CCDC66: variants seen among roughly 807,000 people sequenced by gnomAD.
CCDC66 encodes coiled-coil domain-containing protein 66.
In CCDC66, 133 loss-of-function variants were observed where a neutral mutation model predicts 128.3. The observed-to-expected ratio is 1.04, with a 90% confidence interval of 0.90 to 1.20. The LOEUF (loss-of-function observed/expected upper bound fraction) is 1.20. CCDC66 is among the 50% of genes most tolerant of loss of function. The pLI is 0.00. For missense variants in CCDC66, 1,126 were observed against 1,075.5 expected (o/e 1.05, Z -0.66); for synonymous variants, 387 against 357.0 (o/e 1.08, Z -0.95).
At chr3:56,574,291 G>A (rs2067068714) in intron 7 of CCDC66, among the ~76,000 whole-genome samples, 1 of 150,952 alleles carries the variant, frequency 6.6e-6, no homozygotes, top group African/African-American at 2.4e-5. Flanking sequence ...GAACCTGGGA[G>A]GTGGAGGTTG....
intron 6 of CCDC66, 25 bp from the exon 7 acceptor site, chr3:56,571,156 T>C: frequency 1.4e-6 from 2 of 1,467,614 alleles, no homozygotes; most frequent in Non-Finnish European, 1.8e-6. Context: ...TTTGTACATT[T>C]TTTTAAAAAG....
At position 56,619,528 on chromosome 3, in the gene CCDC66, G is replaced by A. The variant is rs2076052387; in HGVS notation, c.2635+1G>A. ...GACCCTCAGTACCAAAATTCACAAG[G>A]TAAGTAAATATTAAGCATTCTAACT... On this transcript the variant is annotated splice_donor_variant, in intron 16 of 17. Coordinates refer to ENST00000394672, the MANE Select transcript of CCDC66 (RefSeq NM_001141947.3). LOFTEE classifies it high-confidence loss of function. 4 of 1,601,410 alleles carry A rather than the reference G, an allele frequency of 2.5e-6. No individual in the cohort carries two copies. In the Admixed American group the frequency reaches 5.3e-5, roughly 21 times the overall value.
chr3:56,592,027 A>G (rs2070999199), intron 7 of CCDC66, among the ~76,000 whole-genome samples: 2 of 152,230 alleles, frequency 1.3e-5, no homozygotes, highest in South Asian at 2.1e-4. Context: ...AAACTCATCA[A>G]TTAAAGTGGC....
rs532301897 is a variant in CCDC66, at chr3:56,602,359, G to A, written c.1404+8331G>A. ...TGGATAAGCTTTTTGATGTGCTGCTGGATTTGATTTGACAGTATTTTGTTG... is the reference window on the plus strand; with the variant it reads ...TGGATAAGCTTTTTGATGTGCTGCTAGATTTGATTTGACAGTATTTTGTTG... On this transcript the variant is annotated intron_variant, in intron 10 of 17. Coordinates refer to ENST00000394672, the MANE Select transcript of CCDC66 (RefSeq NM_001141947.3). Among the ~76,000 whole-genome samples, 301 of 152,148 alleles carry A rather than the reference G, an allele frequency of 2.0e-3. 13 individuals are homozygous for A. The South Asian group carries it at 0.058, about 29-fold the overall frequency.
At chr3:56,560,008 A>G (rs992181916) in intron 3 of CCDC66, among the ~76,000 whole-genome samples, 1 of 152,304 alleles carries the variant, frequency 6.6e-6, no homozygotes. Context: ...CACTCCAGAG[A>G]TCTTTAAAAA....
intron 7 of CCDC66, among the ~76,000 whole-genome samples, chr3:56,571,895 A>AT (rs540530026): frequency 2.6e-5 from 4 of 151,218 alleles, no homozygotes; most frequent in East Asian, 1.9e-4. Context: ...ATTAAAAAAA[A>AT]TTTTTTTTAG....
intron 7 of CCDC66, among the ~76,000 whole-genome samples, chr3:56,584,261 G>A (rs1176321411): frequency 1.4e-5 from 2 of 148,018 alleles, no homozygotes; most frequent in African/African-American, 2.5e-5. Flanking sequence ...CAGACGGGGC[G>A]GCTGCCGGGC....
rs1162533097 is a variant in CCDC66 at position 56,615,832 on chromosome 3, AG to A, written c.1712-89del. 15 of 1,127,860 alleles carry A rather than the reference AG, an allele frequency of 1.3e-5. No homozygotes were observed. In the African/African-American group the frequency reaches 2.3e-4, roughly 17 times the overall value. 69.9% of individuals were successfully genotyped at this position (1,127,860 alleles called of 1,614,324 possible). A position where few individuals can be genotyped will look rare whatever the true frequency, so the allele number is the denominator to read the frequency against. On this transcript the variant is annotated intron_variant, in intron 12 of 17. Transcript: ENST00000394672. ...TTTATTGCAGTGTTCATTCTGATTA[AG>A]TGAAAATTATTGTATTTAGTTGCTG...
chr3:56,617,148 C>T lies in CCDC66; in HGVS notation c.1880C>T (p.Ser627Leu). 1 of 1,582,082 alleles carries T rather than the reference C, an allele frequency of 6.3e-7. No homozygotes were observed. The highest frequency in any genetic ancestry group is 1.4e-5 in the African/African-American group (1 of 73,512). ...ATAGGAATATTCACCAATGCAGAAT[C>T]ACATTGTGGATCATTAATGGAGAGG... ...LNIGIFTNAE[S>L]HCGSLMERDI... The change falls in exon 14 of 18, where the codon TCA (serine) becomes TTA (leucine). Residue 627 changes from serine to leucine, a missense_variant. Ser to Leu is a moderately radical substitution (Grantham distance 145). Coordinates refer to ENST00000394672, the MANE Select transcript of CCDC66 (RefSeq NM_001141947.3).
intron 7 of CCDC66, among the ~76,000 whole-genome samples, chr3:56,581,960 A>C (rs182410560): frequency 4.5e-4 from 69 of 152,034 alleles, no homozygotes; most frequent in African/African-American, 1.5e-3. Context: ...AGGGACGTTT[A>C]AATCTGCAGA....
intron 7 of CCDC66, among the ~76,000 whole-genome samples, chr3:56,584,306 C>G (rs1302854488): frequency 1.4e-5 from 2 of 143,924 alleles, no homozygotes; most frequent in Non-Finnish European, 3.0e-5. Flanking sequence ...GGGGTGGCTG[C>G]CGGGCGGAGG....
At chr3:56,575,319 C>A (rs1485366303) in intron 7 of CCDC66, among the ~76,000 whole-genome samples, 1 of 151,810 alleles carries the variant, frequency 6.6e-6, no homozygotes, top group Non-Finnish European at 1.5e-5. Context: ...TTGTGGTTTT[C>A]ATTTGCACTT....
At chr3:56,604,608 C>G (rs2073785681) in intron 10 of CCDC66, among the ~76,000 whole-genome samples, 2 of 151,648 alleles carry the variant, frequency 1.3e-5, no homozygotes, top group South Asian at 4.2e-4. Flanking sequence ...GAATATTGGC[C>G]CCAACTCTCT....
chr3:56,558,957 C>A, intron 2 of CCDC66, 47 bp downstream of exon 2: 1 of 1,326,490 alleles, frequency 7.5e-7, no homozygotes, highest in Non-Finnish European at 1.0e-6. Flanking sequence ...TAAATTCATA[C>A]ATAAAATTTA....
At chr3:56,584,551 G>T (rs529105620) in intron 7 of CCDC66, among the ~76,000 whole-genome samples, 1 of 150,882 alleles carries the variant, frequency 6.6e-6, no homozygotes, top group African/African-American at 2.4e-5. Flanking sequence ...GGGCAGAGAC[G>T]CTCCTCACTT....
At position 56,563,750 on chromosome 3, in the gene CCDC66, A is replaced by G. The variant is rs1340950828; in HGVS notation, c.169A>G (p.Thr57Ala). 2 of 1,551,838 alleles carry G rather than the reference A, an allele frequency of 1.3e-6. No homozygotes were observed. The highest frequency in any genetic ancestry group is 1.4e-5 in the African/African-American group (1 of 73,176). The change falls in exon 4 of 18, where the codon ACA becomes GCA. Residue 57 changes from threonine (T) to alanine (A), a missense_variant. Physicochemically the swap from Thr to Ala is moderately conservative, Grantham distance 58. Coordinates refer to ENST00000394672, the MANE Select transcript of CCDC66 (RefSeq NM_001141947.3). ...RTKTGHILKSTQDTCIGSEKL... is the reference protein window; with the variant it reads ...RTKTGHILKSAQDTCIGSEKL... ...AAAAACTGGGCACATTCTAAAATCAACACAAGATACTTGTATTGGGAGTGA... is the reference window on the plus strand; with the variant it reads ...AAAAACTGGGCACATTCTAAAATCAGCACAAGATACTTGTATTGGGAGTGA...
chr3:56,608,697 TTGTC>T (rs1290295010), intron 10 of CCDC66, among the ~76,000 whole-genome samples: 2 of 152,200 alleles, frequency 1.3e-5, no homozygotes, highest in Non-Finnish European at 2.9e-5. Flanking sequence ...TGACCTTAGA[TTGTC>T]TGTCTGTGCT....
At chr3:56,557,164 T>C, upstream of CCDC66, 1 of 1,542,694 alleles carries the variant, frequency 6.5e-7, no homozygotes, top group Admixed American at 2.0e-5. Context: ...CCAATTGGCG[T>C]AGCGCTTGCT....
At chr3:56,615,859 C>T in intron 12 of CCDC66, 63 bp from the exon 13 acceptor site, 1 of 1,368,706 alleles carries the variant, frequency 7.3e-7, no homozygotes, top group Non-Finnish European at 1.0e-6. Context: ...TTAGTTGCTG[C>T]TATACATAAT....
Sources: gnomAD v4.1 joint callset for allele counts (sites outside exome capture counted in the v4.1 genomes callset) on GRCh38, gnomAD v4.1.1 for gene constraint, MANE v1.5 for transcripts, NCBI Gene and HGNC (gene_info 2026-07-23, HGNC 2026-07-21) for gene names.